The following LIPA variants were observed in gnomAD, a reference collection of about 807,000 sequenced individuals.
LIPA encodes lipase A, lysosomal acid type.
LIPA carries 26 observed loss-of-function variants against 40.6 expected under a neutral mutation model. The observed-to-expected ratio is 0.64, with a 90% CI of 0.47 to 0.89. The LOEUF (loss-of-function observed/expected upper bound fraction) is 0.89. LIPA is among the 40% of genes least tolerant of loss of function. The probability of loss-of-function intolerance (pLI) is 0.00; values close to 1 mark genes in which losing one functional copy is unlikely to be tolerated. For synonymous variants in LIPA, 188 were observed against 168.4 expected, an observed-to-expected ratio of 1.12 and a Z score of -0.90; for missense variants, 455 against 479.6, an observed-to-expected ratio of 0.95 and a Z score of 0.48.
chr10:89,233,773 G>A (rs1842871333), intron 3 of LIPA, among the ~76,000 whole-genome samples: 3 of 152,286 alleles, frequency 2.0e-5, no homozygotes, highest in South Asian at 4.1e-4. Context: ...GGCTGAGGCA[G>A]GAGAATTGTT....
chr10:89,358,913 T>C (rs1169468259), intron 2 of LIPA, among the ~76,000 whole-genome samples: 3 of 152,190 alleles, frequency 2.0e-5, no homozygotes, highest in African/African-American at 7.2e-5. Context: ...GCTAGAAGAA[T>C]TGGAATGCTC....
chr10:89,362,731 A>G, intron 2 of LIPA: 2 of 743,618 alleles, frequency 2.7e-6, no homozygotes, highest in Non-Finnish European at 4.2e-6. Context: ...CCTGAGATGA[A>G]CTGTGAGGAA....
intron 1 of LIPA, among the ~76,000 whole-genome samples, chr10:89,267,519 A>G (rs112985064): frequency 0.01 from 1,472 of 143,956 alleles, 26 homozygotes; most frequent in African/African-American, 0.036. Flanking sequence ...CATAGGTGGG[A>G]ATTGAACAAT....
chr10:89,355,092 A>C (rs769358688), intron 2 of LIPA, among the ~76,000 whole-genome samples: 4 of 152,216 alleles, frequency 2.6e-5, no homozygotes, highest in African/African-American at 4.8e-5. Context: ...TTAGGGTCCT[A>C]CAATAGTGTT....
chr10:89,339,206 A>C (rs1843804503), intron 1 of LIPA: 1 of 1,613,992 alleles, frequency 6.2e-7, no homozygotes, highest in African/African-American at 1.3e-5. Context: ...TACCATCTGG[A>C]TAATCACCCA....
intron 1 of LIPA, chr10:89,283,854 G>A (rs2133499911): frequency 6.6e-6 from 1 of 152,324 alleles, no homozygotes; most frequent in Non-Finnish European, 1.5e-5. Flanking sequence ...CCAGAACACT[G>A]CAGGACACCA....
At chr10:89,297,963 A>G (rs907964107) in intron 1 of LIPA, among the ~76,000 whole-genome samples, 3 of 152,212 alleles carry the variant, frequency 2.0e-5, no homozygotes, top group Admixed American at 1.3e-4. Flanking sequence ...CTCTCTGCAC[A>G]GTGCTGCGGG....
chr10:89,261,459 C>T (rs977018860), intron 1 of LIPA, among the ~76,000 whole-genome samples: 1 of 151,914 alleles, frequency 6.6e-6, no homozygotes, highest in African/African-American at 2.4e-5. Flanking sequence ...GAGCCCAGAT[C>T]GTGCCATTGC....
chr10:89,402,750 C>G, intron 2 of LIPA: 1 of 1,614,150 alleles, frequency 6.2e-7, no homozygotes. Flanking sequence ...AAATTATGAA[C>G]GGGCCAAGGC....
chr10:89,255,289 C>CGTG (rs1843175264), upstream of LIPA, among the ~76,000 whole-genome samples: 1 of 152,162 alleles, frequency 6.6e-6, no homozygotes, highest in Non-Finnish European at 1.5e-5. Context: ...GCAAAAGGCA[C>CGTG]GTCTTACATG....
At chr10:89,366,679 G>A (rs1844059199) in intron 2 of LIPA, among the ~76,000 whole-genome samples, 1 of 152,116 alleles carries the variant, frequency 6.6e-6, no homozygotes, top group African/African-American at 2.4e-5. Context: ...GAAACAACAG[G>A]TGCTGGAGAG....
chr10:89,290,001 T>A (rs4933501), intron 1 of LIPA, among the ~76,000 whole-genome samples: 10 of 105,276 alleles, frequency 9.5e-5, no homozygotes, highest in East Asian at 3.7e-4. Context: ...AAAAAAAGGG[T>A]GGGGGGGACT....
intron 2 of LIPA, chr10:89,384,460 C>G (rs748742821): frequency 6.2e-7 from 1 of 1,614,048 alleles, no homozygotes; most frequent in African/African-American, 1.3e-5. Flanking sequence ...GATTCATTAC[C>G]ACTACGGCCG....
In LIPA at chr10:89,411,442, T is replaced by C. The variant is rs375231901; in HGVS notation, c.61+1349A>G. Reference sequence around the variant, plus strand: ...TACTTACAGAATCAGGAAGGAGCCATCTATACCAATTCTAAGTTAATATGG... The same window carrying C: ...TACTTACAGAATCAGGAAGGAGCCACCTATACCAATTCTAAGTTAATATGG... On this transcript the variant is annotated intron_variant, in intron 2 of 8. Transcript: ENST00000371837. 2.4e-4 allele frequency among the ~76,000 whole-genome samples: 36 copies of C among 152,320 alleles called. No individual in the cohort carries two copies. The East Asian group carries it at 4.4e-3, about 19-fold the overall frequency.
chr10:89,279,207 T>C (rs1206134288), intron 1 of LIPA, among the ~76,000 whole-genome samples: 1 of 152,190 alleles, frequency 6.6e-6, no homozygotes, highest in African/African-American at 2.4e-5. Flanking sequence ...GCTCCAGTGC[T>C]TTAAAGCTGA....
rs556783651 is a variant in LIPA at position 89,335,049 on chromosome 10, G to A, written c.-2+7562C>T. 2.2e-4 allele frequency among the ~76,000 whole-genome samples: 34 copies of A among 152,114 alleles called. 1 individual carries two copies. The highest frequency in any genetic ancestry group is 7.5e-4 in the African/African-American group (31 of 41,496). The stretch of plus-strand genomic sequence containing the variant: ...TCTGGGGTTCATGTTTCTTCTTATC[G>A]AGGTCTCAGGCCTTCCAGTCCAATA... On this transcript the variant is annotated intron_variant, in intron 1 of 5. Coordinates refer to the LIPA transcript ENST00000282673.
intron 2 of LIPA, among the ~76,000 whole-genome samples, chr10:89,395,436 C>T (rs1844328588): frequency 6.6e-6 from 1 of 152,216 alleles, no homozygotes; most frequent in Non-Finnish European, 1.5e-5. Flanking sequence ...CCTCTTCTCT[C>T]TGGATCTGTA....
At chr10:89,269,191 G>A (rs1418450978) in intron 1 of LIPA, among the ~76,000 whole-genome samples, 17 of 151,306 alleles carry the variant, frequency 1.1e-4, no homozygotes, top group Admixed American at 6.6e-4. Flanking sequence ...TTAGCTGGGC[G>A]TGGTGGCGCA....
chr10:89,253,464 G>T (rs1843160525), upstream of LIPA, among the ~76,000 whole-genome samples: 1 of 152,202 alleles, frequency 6.6e-6, no homozygotes, highest in Admixed American at 6.5e-5. Context: ...GTATGGGCTA[G>T]ACTGCCCCCA....
Sources: allele counts gnomAD v4.1 joint callset (sites outside exome capture counted in the v4.1 genomes callset), GRCh38; gene constraint gnomAD v4.1.1; transcripts MANE v1.5; gene names NCBI Gene and HGNC (gene_info 2026-07-23, HGNC 2026-07-21).